RDH5: variants seen among roughly 807,000 people sequenced by gnomAD.
The protein encoded by RDH5 is retinol dehydrogenase 5.
Under a neutral mutation model 24.0 loss-of-function variants are expected in RDH5, and 25 were observed. That is an observed-to-expected ratio of 1.04 (90% CI 0.76 to 1.46). RDH5 has a LOEUF of 1.46. Ranked by LOEUF, RDH5 falls within the 40% of genes most tolerant of loss-of-function variation. The pLI is 0.00. For synonymous variants in RDH5, 170 were observed against 175.2 expected (o/e 0.97, Z 0.23); for missense variants, 369 against 410.3 (o/e 0.90, Z 0.87).
chr12:55,724,608 A>C lies in RDH5; in HGVS notation c.*63A>C, dbSNP rs948440257. 96 of 1,430,058 alleles carry C rather than the reference A, an allele frequency of 6.7e-5. No homozygotes were observed. Among genetic ancestry groups the C allele is most frequent in the East Asian group, 3.0e-4 (13 of 42,744 alleles). 88.6% of individuals were successfully genotyped at this position (1,430,058 alleles called of 1,614,324 possible). On this transcript the variant is annotated 3_prime_UTR_variant, in exon 5 of 5. Transcript: ENST00000257895. Reference sequence around the variant, plus strand: ...AGGACTTTGATTTATTTCTGCCCCCACCCTGGTACTGCCTGGTGCCTGCCA... The same window carrying C: ...AGGACTTTGATTTATTTCTGCCCCCCCCCTGGTACTGCCTGGTGCCTGCCA...
In RDH5 at chr12:55,721,744, A is replaced by T. The variant is rs61733971; in HGVS notation, c.366A>T (p.Pro122=). The change falls in exon 3 of 5, where the codon CCA becomes CCT. Residue 122 remains proline, a synonymous_variant. Coordinates refer to ENST00000257895, the MANE Select transcript of RDH5 (RefSeq NM_002905.5). The surrounding 1 kb of genome is among the most constrained non-coding windows in gnomAD (Gnocchi z 4.7). The part of the protein sequence containing the change: ...AGVAGIIGPT[P]WLTRDDFQRV... Reference sequence around the variant, plus strand: ...TGGCTGGTATCATCGGACCCACACCATGGCTGACCCGGGACGATTTCCAGC... The same window carrying T: ...TGGCTGGTATCATCGGACCCACACCTTGGCTGACCCGGGACGATTTCCAGC... The T allele has an allele frequency of 6.2e-7, 1 of 1,613,730 alleles. No homozygotes were observed. The highest frequency in any genetic ancestry group is 1.1e-5 in the South Asian group (1 of 91,086).
chr12:55,723,439 CAG>C (rs1263886102), intron 3 of RDH5: 1 of 234,368 alleles, frequency 4.3e-6, no homozygotes, highest in Non-Finnish European at 8.5e-6. Flanking sequence ...ATCCAGCACT[CAG>C]GGCTCAACCA....
chr12:55,721,228 T>C lies in RDH5; in HGVS notation c.44T>C (p.Leu15Pro), dbSNP rs757963264. ...LLLGALLWAVLWLLRDRQSLP... is the reference protein window; with the variant it reads ...LLLGALLWAVPWLLRDRQSLP... ...CTGGGTGCCTTACTCTGGGCAGTGC[T>C]GTGGTTGCTCAGGGACCGGCAGAGC... The change falls in exon 2 of 5, where the codon CTG (leucine) becomes CCG (proline). Residue 15 changes from leucine (L) to proline (P), a missense_variant. Physicochemically the swap from Leu to Pro is moderately conservative, Grantham distance 98. Coordinates refer to ENST00000257895, the MANE Select transcript of RDH5 (RefSeq NM_002905.5). The surrounding 1 kb of genome is among the most constrained non-coding windows in gnomAD (Gnocchi z 4.7). The C allele has an allele frequency of 3.7e-6, 6 of 1,613,968 alleles. No individual in the cohort carries two copies. The African/African-American group carries it at 6.7e-5, about 18-fold the overall frequency.
At position 55,721,310 on chromosome 12, in the gene RDH5, C is replaced by T; in HGVS notation, c.126C>T (p.Arg42=). The T allele has an allele frequency of 6.2e-7, 1 of 1,614,112 alleles. No homozygotes were observed. The part of the protein sequence containing the change: ...FITGCDSGFG[R]LLALQLDQRG... Reference sequence around the variant, plus strand: ...CCGGCTGTGACTCAGGCTTTGGGCGCCTTCTGGCACTGCAGCTGGACCAGA... The same window carrying T: ...CCGGCTGTGACTCAGGCTTTGGGCGTCTTCTGGCACTGCAGCTGGACCAGA... Residue 42 remains arginine (R), a synonymous_variant, in exon 2 of 5, where the codon CGC becomes CGT. Coordinates refer to ENST00000257895, the MANE Select transcript of RDH5 (RefSeq NM_002905.5). The surrounding 1 kb of genome is among the most constrained non-coding windows in gnomAD (Gnocchi z 4.7).
rs1424223676 is a variant in RDH5, at chr12:55,721,176, G to A, written c.-9G>A. ...AGGCTGCCACCTGTAGGTCACTTGG[G>A]CTCCAGCTATGTGGCTGCCTCTTCT... On this transcript the variant is annotated 5_prime_UTR_variant, in exon 2 of 5. Transcript: ENST00000257895. This position sits in a 1 kb window ranked among gnomAD's most constrained non-coding sequence, Gnocchi z 4.7. The A allele has an allele frequency of 1.2e-6, 2 of 1,613,564 alleles. No homozygotes were observed. Among genetic ancestry groups the A allele is most frequent in the East Asian group, 2.2e-5 (1 of 44,902 alleles).
In RDH5 at chr12:55,721,723, T is replaced by C. The variant is rs2136139484; in HGVS notation, c.345T>C (p.Ala115=). 4 of 1,613,188 alleles carry C rather than the reference T, an allele frequency of 2.5e-6. No homozygotes were observed. Among genetic ancestry groups the C allele is most frequent in the Non-Finnish European group, 3.4e-6 (4 of 1,180,034 alleles). ...GTCTGGTGAATAATGCTGGTGTGGC[T>C]GGTATCATCGGACCCACACCATGGC... ...LFGLVNNAGV[A]GIIGPTPWLT... The change falls in exon 3 of 5, where the codon GCT becomes GCC. Residue 115 remains alanine (A), a synonymous_variant. Coordinates refer to ENST00000257895, the MANE Select transcript of RDH5 (RefSeq NM_002905.5). This position sits in a 1 kb window ranked among gnomAD's most constrained non-coding sequence, Gnocchi z 4.7.
rs1565655575 is a variant in RDH5 at position 55,723,907 on chromosome 12, G to A, written c.591G>A (p.Gly197=). The change falls in exon 4 of 5, where the codon GGG becomes GGA. Residue 197 remains glycine (G), a synonymous_variant. Coordinates refer to ENST00000257895, the MANE Select transcript of RDH5 (RefSeq NM_002905.5). ...CTAGGCGGGATGTAGCTCATTTTGG[G>A]ATACGAGTCTCCATCGTGGAGCCTG... The part of the protein sequence containing the change: ...DSLRRDVAHF[G]IRVSIVEPGF... The A allele has an allele frequency of 6.2e-7, 1 of 1,614,034 alleles. No homozygotes were observed. Among genetic ancestry groups the A allele is most frequent in the South Asian group, 1.1e-5 (1 of 91,084 alleles).
intron 3 of RDH5, chr12:55,723,332 A>G (rs983476472): frequency 6.3e-6 from 1 of 158,632 alleles, no homozygotes; most frequent in Non-Finnish European, 1.4e-5. Flanking sequence ...CTCCTTACCT[A>G]TACTTGGATT....
chr12:55,722,994 T>C (rs1565655119), intron 3 of RDH5: 1 of 152,224 alleles, frequency 6.6e-6, no homozygotes, highest in African/African-American at 2.4e-5. Flanking sequence ...ATACTTTTAG[T>C]TTTGAGACAA....
At chr12:55,723,304 T>G (rs1413050376) in intron 3 of RDH5, 10 of 155,896 alleles carry the variant, frequency 6.4e-5, no homozygotes, top group African/African-American at 2.4e-4. Flanking sequence ...GAATTTTTTT[T>G]TATCCCCTTC....
At chr12:55,723,711 CA>C in intron 3 of RDH5, 174 bp from the exon 4 acceptor site, 1 of 699,660 alleles carries the variant, frequency 1.4e-6, no homozygotes, top group South Asian at 1.7e-5. Flanking sequence ...AAACAAACCT[CA>C]AAAATACTTT....
Position 55,723,908 on chromosome 12 carries a change from A to G in RDH5, c.592A>G (p.Ile198Val). ...SLRRDVAHFG[I>V]RVSIVEPGFF... ...TAGGCGGGATGTAGCTCATTTTGGG[A>G]TACGAGTCTCCATCGTGGAGCCTGG... Residue 198 changes from isoleucine (I) to valine (V), a missense_variant, in exon 4 of 5, where the codon ATA becomes GTA. By Grantham distance (29) the Ile-to-Val change is conservative. Coordinates refer to ENST00000257895, the MANE Select transcript of RDH5 (RefSeq NM_002905.5). 1 of 1,614,030 alleles carries G rather than the reference A, an allele frequency of 6.2e-7. No homozygotes were observed.
At position 55,723,889 on chromosome 12, in the gene RDH5, G is replaced by T; in HGVS notation, c.573G>T (p.Arg191=). The change falls in exon 4 of 5, where the codon CGG becomes CGT. Residue 191 remains arginine (R), a synonymous_variant. Coordinates refer to ENST00000257895, the MANE Select transcript of RDH5 (RefSeq NM_002905.5). ...GLEAFSDSLR[R]DVAHFGIRVS... ...CTTCGCTCTGCCCCGACTCTAGGCGGGATGTAGCTCATTTTGGGATACGAG... is the reference window on the plus strand; with the variant it reads ...CTTCGCTCTGCCCCGACTCTAGGCGTGATGTAGCTCATTTTGGGATACGAG... The T allele has an allele frequency of 6.2e-7, 1 of 1,613,814 alleles. No individual in the cohort carries two copies. Among genetic ancestry groups the T allele is most frequent in the South Asian group, 1.1e-5 (1 of 91,072 alleles).
chr12:55,721,077 T>A lies in RDH5; in HGVS notation c.-32-76T>A. ...TTCTCAATATGCTCACACCAGATGC[T>A]TCCAGCTAGGGAGGGTATTAGGGGA... On this transcript the variant is annotated intron_variant, in intron 1 of 4. Coordinates refer to ENST00000257895, the MANE Select transcript of RDH5 (RefSeq NM_002905.5). The surrounding 1 kb of genome is among the most constrained non-coding windows in gnomAD (Gnocchi z 4.7). 2.0e-6 allele frequency: 2 copies of A among 984,648 alleles called. No homozygotes were observed. Among genetic ancestry groups the A allele is most frequent in the South Asian group, 2.6e-5 (2 of 76,784 alleles). The allele number at this position is 984,648 out of a possible 1,614,324, so 61.0% of individuals were successfully genotyped here. A position where few individuals can be genotyped will look rare whatever the true frequency, so the allele number is the denominator to read the frequency against.
intron 3 of RDH5, chr12:55,723,595 T>C (rs1877028849): frequency 2.4e-6 from 1 of 416,264 alleles, no homozygotes; most frequent in Non-Finnish European, 4.5e-6. Flanking sequence ...GTTATATAAG[T>C]ACCTGATAAT....
rs1314326397 is a variant in RDH5 at position 55,724,023 on chromosome 12, A to C, written c.707A>C (p.His236Pro). The change falls in exon 4 of 5, where the codon CAC becomes CCC. Residue 236 changes from histidine (H) to proline (P), a missense_variant. By Grantham distance (77) the His-to-Pro change is moderately conservative (BLOSUM62 -2). Coordinates refer to ENST00000257895, the MANE Select transcript of RDH5 (RefSeq NM_002905.5). ...WARLPPATQA[H>P]YGGAFLTKYL... The stretch of plus-strand genomic sequence containing the variant: ...CGGCTGCCTCCTGCCACACAGGCCC[A>C]CTATGGGGGGGCCTTCCTCACCAAG... 1.2e-6 allele frequency: 2 copies of C among 1,612,294 alleles called. No homozygotes were observed. The highest frequency in any genetic ancestry group is 2.2e-5 in the South Asian group (2 of 91,084).
Position 55,721,329 on chromosome 12 carries a change from G to GA in RDH5, c.146dup (p.Asp49GlufsTer37). On this transcript the variant is annotated frameshift_variant, in exon 2 of 5. Transcript: ENST00000257895. LOFTEE classifies it high-confidence loss of function. This position sits in a 1 kb window ranked among gnomAD's most constrained non-coding sequence, Gnocchi z 4.7. ...TGGGCGCCTTCTGGCACTGCAGCTG[G>GA]ACCAGAGAGGCTTCCGAGTCCTGGC... 1 of 1,614,056 alleles carries GA rather than the reference G, an allele frequency of 6.2e-7. No homozygotes were observed. The highest frequency in any genetic ancestry group is 8.5e-7 in the Non-Finnish European group (1 of 1,180,038).
intron 1 of RDH5, chr12:55,720,906 A>T (rs1005930743): frequency 1.8e-5 from 6 of 332,300 alleles, no homozygotes; most frequent in East Asian, 1.6e-4. Flanking sequence ...AAAAAAAAAA[A>T]GATGCCTCTG....
In RDH5 at chr12:55,724,365, G is replaced by C. The variant is rs543433718; in HGVS notation, c.777G>C (p.Pro259=). Residue 259 remains proline (P), a synonymous_variant, in exon 5 of 5, where the codon CCG becomes CCC. Transcript: ENST00000257895. ...QQRIMNLICD[P]DLTKVSRCLE... is the part of the protein sequence containing the mutation. ...GCATCATGAACCTGATCTGTGACCC[G>C]GACCTAACCAAGGTGAGCCGATGCC... 5.0e-6 allele frequency: 8 copies of C among 1,614,056 alleles called. No individual in the cohort carries two copies. The highest frequency in any genetic ancestry group is 6.8e-6 in the Non-Finnish European group (8 of 1,180,050).
Sources: gnomAD v4.1 joint callset for allele counts on GRCh38, gnomAD v4.1.1 for gene constraint, Gnocchi (gnomAD v3.1) non-coding constraint, MANE v1.5 for transcripts, NCBI Gene and HGNC (gene_info 2026-07-23, HGNC 2026-07-21) for gene names.